TUBGCP5: variants seen among roughly 807,000 people sequenced by gnomAD.
TUBGCP5 encodes the protein gamma-tubulin complex component 5.
Under a neutral mutation model 134.7 loss-of-function variants are expected in TUBGCP5, and 98 were observed. The ratio of observed to expected loss-of-function variants is 0.73; its 90% CI spans 0.62 to 0.86. The LOEUF is 0.86. Ranked by LOEUF, TUBGCP5 falls within the 40% of genes least tolerant of loss-of-function variation. TUBGCP5 has a pLI of 0.00. For missense variants in TUBGCP5, 1,150 were observed against 1,244.8 expected (o/e 0.92, Z 1.15); for synonymous variants, 456 against 431.4 (o/e 1.06, Z -0.71).
chr15:23,003,118 C>T lies in TUBGCP5; in HGVS notation c.2874G>A (p.Leu958=). The T allele has an allele frequency of 6.2e-7, 1 of 1,614,184 alleles. No individual in the cohort carries two copies. Among genetic ancestry groups the T allele is most frequent in the Non-Finnish European group, 8.5e-7 (1 of 1,180,028 alleles). The part of the protein sequence containing the change: ...SFVKEAIMKV[L]NLALMFADGW... ...CGTCTGCAAACATGAGAGCCAAGTTCAACACCTTCATGATAGCTTCTTTCA... is the reference window on the plus strand; with the variant it reads ...CGTCTGCAAACATGAGAGCCAAGTTTAACACCTTCATGATAGCTTCTTTCA... Residue 958 remains leucine, a synonymous_variant, in exon 21 of 23, where the codon TTG becomes TTA. Transcript: ENST00000615383.
chr15:23,009,273 A>ATT (rs536559427), intron 15 of TUBGCP5, among the ~76,000 whole-genome samples: 15 of 145,454 alleles, frequency 1.0e-4, no homozygotes, highest in East Asian at 2.0e-4. Context: ...AATTGCCATA[A>ATT]TTTTTTTTTT....
Position 23,024,049 on chromosome 15 carries a change from C to T in TUBGCP5, c.1066G>A (p.Ala356Thr). ...AAAGCCTGGTAGGTTCTAAAGGGAGCTTCAGTTGACTTCTTAGGAACAGAC... is the reference window on the plus strand; with the variant it reads ...AAAGCCTGGTAGGTTCTAAAGGGAGTTTCAGTTGACTTCTTAGGAACAGAC... ...SGSVPKKSTEAPFRTYQAFMW... is the reference protein window; with the variant it reads ...SGSVPKKSTETPFRTYQAFMW... The change falls in exon 10 of 23, where the codon GCT becomes ACT. Residue 356 changes from alanine (A) to threonine (T), a missense_variant. By Grantham distance (58) the Ala-to-Thr change is moderately conservative (BLOSUM62 0). Coordinates refer to ENST00000615383, the MANE Select transcript of TUBGCP5 (RefSeq NM_052903.6). 6.2e-7 allele frequency: 1 copy of T among 1,614,132 alleles called. No homozygotes were observed.
In TUBGCP5 at chr15:23,026,160, G is replaced by A. The variant is rs201383261; in HGVS notation, c.783C>T (p.Asp261=). 1.6e-5 allele frequency: 26 copies of A among 1,610,872 alleles called. 2 individuals carry two copies. The highest frequency in any genetic ancestry group is 2.1e-5 in the Non-Finnish European group (25 of 1,179,210). The change falls in exon 8 of 23, where the codon GAC becomes GAT. Residue 261 remains aspartate (D), a synonymous_variant. Transcript: ENST00000615383. ...YSSDPLYVPD[D]RVLVTETQVI... is the part of the protein sequence containing the mutation. ...CCTGAGTCTCAGTAACCAAAACCCT[G>A]TCATCTGGAACATACAATGGATCAC...
At chr15:23,011,954 A>G (rs186970777) in intron 13 of TUBGCP5, among the ~76,000 whole-genome samples, 105 of 151,570 alleles carry the variant, frequency 6.9e-4, no homozygotes, top group Middle Eastern at 3.4e-3. Context: ...CAGCTCTACA[A>G]AAAAATTAGC....
At chr15:23,002,421 C>A (rs916695151) in intron 21 of TUBGCP5, among the ~76,000 whole-genome samples, 1 of 152,134 alleles carries the variant, frequency 6.6e-6, no homozygotes, top group Non-Finnish European at 1.5e-5. Context: ...ATAAACAGGA[C>A]AGGTAACAAA....
Position 23,017,872 on chromosome 15 carries a change from T to C in TUBGCP5, c.1657A>G (p.Lys553Glu). ...ATTATGATCTGCTTCAGGACAGGTT[T>C]GAGGAAGGACACCATGGTGTGCTGC... The part of the protein sequence containing the change: ...SRQHTMVSFL[K>E]PVLKQIIMAG... The change falls in exon 13 of 23, where the codon AAA becomes GAA. Residue 553 changes from lysine (K) to glutamate (E), a missense_variant. Around this residue, in one of 2 missense-constraint regions of TUBGCP5, gnomAD observed 697 missense variants for 850.1 expected, o/e 0.82. Transcript: ENST00000615383. The C allele has an allele frequency of 4.3e-6, 7 of 1,614,142 alleles. No homozygotes were observed. Among genetic ancestry groups the C allele is most frequent in the Non-Finnish European group, 5.9e-6 (7 of 1,179,994 alleles).
intron 8 of TUBGCP5, among the ~76,000 whole-genome samples, chr15:23,025,105 T>C (rs2065915223): frequency 6.6e-6 from 1 of 152,122 alleles, no homozygotes; most frequent in African/African-American, 2.4e-5. Flanking sequence ...TTTCACCATG[T>C]TGCCCAGGCT....
chr15:23,022,966 C>A (rs2065786668), intron 10 of TUBGCP5: 2 of 152,220 alleles, frequency 1.3e-5, no homozygotes, highest in Admixed American at 1.3e-4. Context: ...AGGTATTCAT[C>A]TACTTGGTTC....
At chr15:23,004,538 G>A (rs527425682) in intron 19 of TUBGCP5, 16 of 234,388 alleles carry the variant, frequency 6.8e-5, no homozygotes, top group Non-Finnish European at 9.7e-5. Flanking sequence ...AAGACACATC[G>A]ATAAAAAAAA....
intron 7 of TUBGCP5, 114 bp downstream of exon 7, chr15:23,027,078 A>T: frequency 1.2e-6 from 1 of 859,056 alleles, no homozygotes; most frequent in South Asian, 1.7e-5. Context: ...AGAATTGTCA[A>T]AACAAAAACA....
At chr15:23,022,640 A>G (rs759802551) in intron 10 of TUBGCP5, among the ~76,000 whole-genome samples, 1 of 152,212 alleles carries the variant, frequency 6.6e-6, no homozygotes, top group South Asian at 2.1e-4. Flanking sequence ...TAAACTATAC[A>G]TGAATATACC....
Position 23,027,212 on chromosome 15 carries a change from G to A in TUBGCP5, c.717C>T (p.His239=). Reference sequence around the variant, plus strand: ...CTTACCAGACAGCAGCTAAATTAGAGTGCAAATGTAAACTATGAGGAAACT... The same window carrying A: ...CTTACCAGACAGCAGCTAAATTAGAATGCAAATGTAAACTATGAGGAAACT... ...PSQFPHSLHL[H]SNLAAVWDQH... Residue 239 remains histidine (H), a synonymous_variant, in exon 7 of 23, where the codon CAC becomes CAT. Transcript: ENST00000615383. The A allele has an allele frequency of 1.2e-6, 2 of 1,613,302 alleles. No homozygotes were observed. The highest frequency in any genetic ancestry group is 1.7e-6 in the Non-Finnish European group (2 of 1,179,542).
intron 6 of TUBGCP5, 133 bp from the exon 7 acceptor site, chr15:23,027,439 G>A: frequency 6.2e-6 from 4 of 643,068 alleles, no homozygotes; most frequent in Non-Finnish European, 1.1e-5. Context: ...TAACATTTAT[G>A]TATATATGAT....
At chr15:23,007,858 C>G (rs545182273) in intron 16 of TUBGCP5, among the ~76,000 whole-genome samples, 2 of 152,040 alleles carry the variant, frequency 1.3e-5, no homozygotes, top group African/African-American at 4.8e-5. Context: ...CTGAGGTCAC[C>G]CTGGTGAGGG....
rs931057608 is a variant in TUBGCP5 at position 23,013,657 on chromosome 15, A to G, written c.1757-2326T>C. Among the ~76,000 whole-genome samples, 1 of 152,116 alleles carries G rather than the reference A, an allele frequency of 6.6e-6. No individual in the cohort carries two copies. Among genetic ancestry groups the G allele is most frequent in the Non-Finnish European group, 1.5e-5 (1 of 68,008 alleles). On this transcript the variant is annotated intron_variant, in intron 13 of 22. Transcript: ENST00000615383. The surrounding 1 kb of genome is among the most constrained non-coding windows in gnomAD (Gnocchi z 4.5). ...AACCCACCAGCCCCCACAAACACCT[A>G]CAGTCATTACTACAGGAGGATTCCA...
rs1213891847 is a variant in TUBGCP5, at chr15:23,017,967, G to A, written c.1562C>T (p.Thr521Ile). ...ATCACTCATTTTTTCTTCATTTTCT[G>A]TCTTTTCTGATACGCTATATAACGT... is the stretch of plus-strand genomic sequence containing the variant. ...TYTLYSVSEK[T>I]ENEEKMSDNA... The change falls in exon 13 of 23, where the codon ACA becomes ATA. Residue 521 changes from threonine (T) to isoleucine (I), a missense_variant. This residue lies in a region of TUBGCP5 where 697 missense variants were observed against 850.1 expected (regional missense o/e 0.82). Coordinates refer to ENST00000615383, the MANE Select transcript of TUBGCP5 (RefSeq NM_052903.6). 17 of 1,614,130 alleles carry A rather than the reference G, an allele frequency of 1.1e-5. No individual in the cohort carries two copies. Among genetic ancestry groups the A allele is most frequent in the Non-Finnish European group, 1.3e-5 (15 of 1,180,006 alleles).
intron 13 of TUBGCP5, among the ~76,000 whole-genome samples, chr15:23,016,986 A>ATATATATATATATATATATATGTG (rs373904143): frequency 1.4e-5 from 2 of 138,284 alleles, no homozygotes; most frequent in Non-Finnish European, 1.6e-5. Flanking sequence ...ATATATATAT[A>ATATATATATATATATATATATGTG]TGTATATATC....
At position 22,999,797 on chromosome 15, in the gene TUBGCP5, G is replaced by A. The variant is rs1459190031; in HGVS notation, c.*23C>T. ...GTACATGTATGATGACAAAGTCGGA[G>A]ATATTTATTACGCTGAAGACATTTA... On this transcript the variant is annotated 3_prime_UTR_variant, in exon 23 of 23. Coordinates refer to ENST00000615383, the MANE Select transcript of TUBGCP5 (RefSeq NM_052903.6). 1.7e-5 allele frequency: 27 copies of A among 1,609,996 alleles called. No homozygotes were observed. Among genetic ancestry groups the A allele is most frequent in the Admixed American group, 5.0e-5 (3 of 59,980 alleles).
chr15:23,011,395 G>A, intron 13 of TUBGCP5, 64 bp from the exon 14 acceptor site: 1 of 1,065,250 alleles, frequency 9.4e-7, no homozygotes, highest in Non-Finnish European at 1.3e-6. Context: ...GTAACATTCT[G>A]TTTAATCATA....
Sources: gnomAD v4.1 joint callset for allele counts (sites outside exome capture counted in the v4.1 genomes callset) on GRCh38, gnomAD v4.1.1 for gene constraint, gnomAD v4.1.1 regional missense constraint, Gnocchi (gnomAD v3.1) non-coding constraint, MANE v1.5 for transcripts, NCBI Gene and HGNC (gene_info 2026-07-23, HGNC 2026-07-21) for gene names.